Variants in YES1 observed in about 807,000 individuals in gnomAD.
The protein encoded by YES1 is YES proto-oncogene 1, Src family tyrosine kinase.
YES1 carries 39 observed loss-of-function variants against 70.4 expected under a neutral mutation model. That is an observed-to-expected ratio of 0.55 (90% CI 0.43 to 0.72). YES1 has a LOEUF of 0.72. YES1 is among the 30% of genes least tolerant of loss of function. YES1 has a pLI of 0.00. For missense variants in YES1, 495 were observed against 644.8 expected (o/e 0.77, Z 2.52); for synonymous variants, 198 against 218.6 (o/e 0.91, Z 0.83).
intron 1 of YES1, among the ~76,000 whole-genome samples, chr18:794,919 A>C (rs1906462058): frequency 6.6e-6 from 1 of 152,098 alleles, no homozygotes; most frequent in Admixed American, 6.5e-5. Flanking sequence ...GGGTTCAAGC[A>C]ATTCTCCTGC....
At position 726,192 on chromosome 18, in the gene YES1, G is replaced by A. The variant is rs1006292741; in HGVS notation, c.1424-1560C>T. 9.2e-5 allele frequency among the ~76,000 whole-genome samples: 14 copies of A among 152,244 alleles called. 1 individual carries two copies. The highest frequency in any genetic ancestry group is 2.6e-4 in the Admixed American group (4 of 15,284). On this transcript the variant is annotated intron_variant, in intron 11 of 11. Transcript: ENST00000314574. Reference sequence around the variant, plus strand: ...TGTAATCCCAGCACTTTGGGAGGCCGAGGCAGGCAGATCACGAGGTCAAGA... The same window carrying A: ...TGTAATCCCAGCACTTTGGGAGGCCAAGGCAGGCAGATCACGAGGTCAAGA...
intron 1 of YES1, among the ~76,000 whole-genome samples, chr18:808,938 A>G (rs1047795616): frequency 6.6e-6 from 1 of 152,236 alleles, no homozygotes; most frequent in African/African-American, 2.4e-5. Flanking sequence ...CATTCTTAAG[A>G]ATAGAAAAAC....
intron 9 of YES1, 160 bp downstream of exon 9, chr18:739,575 T>C (rs1330213268): frequency 2.7e-5 from 15 of 554,808 alleles, no homozygotes; most frequent in Non-Finnish European, 4.2e-5. Context: ...CACCACTGCA[T>C]TCCACCCTGG....
chr18:775,802 A>G (rs1370922616), intron 1 of YES1, among the ~76,000 whole-genome samples: 1 of 151,970 alleles, frequency 6.6e-6, no homozygotes, highest in African/African-American at 2.4e-5. Flanking sequence ...GCCTCAAATA[A>G]ATTAAAAAAA....
intron 9 of YES1, chr18:738,026 T>G (rs1338298278): frequency 1.3e-5 from 2 of 152,036 alleles, no homozygotes; most frequent in South Asian, 4.1e-4. Flanking sequence ...AGATTGGATG[T>G]GGCTCACAAA....
At chr18:751,200 G>C (rs1221095686) in intron 3 of YES1, among the ~76,000 whole-genome samples, 1 of 152,162 alleles carries the variant, frequency 6.6e-6, no homozygotes, top group South Asian at 2.1e-4. Flanking sequence ...GAAATTATTC[G>C]ATCTACTTTC....
chr18:770,007 G>A (rs1217529911), intron 1 of YES1, among the ~76,000 whole-genome samples: 2 of 150,920 alleles, frequency 1.3e-5, no homozygotes, highest in African/African-American at 4.9e-5. Context: ...GACTGGGAGT[G>A]CAGTGGCGTG....
chr18:767,407 TC>T (rs2145769943), intron 1 of YES1, among the ~76,000 whole-genome samples: 1 of 152,278 alleles, frequency 6.6e-6, no homozygotes, highest in South Asian at 2.1e-4. Context: ...TGCCTCAGCC[TC>T]CCAAAGTGAT....
At chr18:741,842 T>C (rs566745597) in intron 8 of YES1, among the ~76,000 whole-genome samples, 1 of 150,344 alleles carries the variant, frequency 6.7e-6, no homozygotes, top group African/African-American at 2.5e-5. Flanking sequence ...AACAAAAAAA[T>C]GTCATATTTG....
At chr18:757,406 G>C (rs1373437243) in intron 1 of YES1, among the ~76,000 whole-genome samples, 2 of 152,152 alleles carry the variant, frequency 1.3e-5, no homozygotes, top group South Asian at 2.1e-4. Context: ...GGGAGGCTGA[G>C]GCAGGAGAAT....
intron 1 of YES1, among the ~76,000 whole-genome samples, chr18:767,845 C>T (rs978827009): frequency 7.2e-5 from 11 of 152,052 alleles, no homozygotes; most frequent in African/African-American, 2.4e-4. Flanking sequence ...GGATTACAGA[C>T]GTGCACCACA....
intron 11 of YES1, among the ~76,000 whole-genome samples, chr18:727,155 G>A (rs1454149215): frequency 2.6e-5 from 4 of 152,036 alleles, no homozygotes; most frequent in Non-Finnish European, 4.4e-5. Flanking sequence ...TATGCATTTT[G>A]AAGCTATGTA....
chr18:785,445 G>C (rs1319900773), intron 1 of YES1, among the ~76,000 whole-genome samples: 1 of 152,046 alleles, frequency 6.6e-6, no homozygotes, highest in Non-Finnish European at 1.5e-5. Context: ...AGTAAAGCTG[G>C]GCTTGTTCTA....
chr18:800,370 C>A (rs759781831), intron 1 of YES1, among the ~76,000 whole-genome samples: 7 of 152,220 alleles, frequency 4.6e-5, no homozygotes, highest in Non-Finnish European at 1.0e-4. Context: ...AGCTTACATT[C>A]CAGTGGCAGC....
At chr18:805,793 T>C (rs1907067301) in intron 1 of YES1, among the ~76,000 whole-genome samples, 1 of 152,162 alleles carries the variant, frequency 6.6e-6, no homozygotes, top group South Asian at 2.1e-4. Flanking sequence ...CAGGAAACAA[T>C]GTGAAGTATT....
At chr18:742,331 T>C (rs185555180) in intron 8 of YES1, among the ~76,000 whole-genome samples, 7 of 151,668 alleles carry the variant, frequency 4.6e-5, no homozygotes, top group Admixed American at 2.6e-4. Context: ...TTGAAGGTAG[T>C]GGGGAGGCCA....
rs2080412433 is a variant in YES1 at position 756,732 on chromosome 18, A to G, written c.96T>C (p.Tyr32=). The change falls in exon 2 of 12, where the codon TAT becomes TAC. Residue 32 remains tyrosine, a synonymous_variant. Transcript: ENST00000314574. ...PEPVSTSVSH[Y]GAEPTTVSPC... ...GTGACACTGTAGTGGGTTCTGCTCCATAATGGCTCACACTTGTACTGACAG... is the reference window on the plus strand; with the variant it reads ...GTGACACTGTAGTGGGTTCTGCTCCGTAATGGCTCACACTTGTACTGACAG... The G allele has an allele frequency of 6.2e-7, 1 of 1,614,240 alleles. No homozygotes were observed. The highest frequency in any genetic ancestry group is 8.5e-7 in the Non-Finnish European group (1 of 1,180,040).
chr18:748,174 T>C (rs2080302480), intron 3 of YES1, among the ~76,000 whole-genome samples, 156 bp from the exon 4 acceptor site: 1 of 152,180 alleles, frequency 6.6e-6, no homozygotes. Context: ...AAGAATGATA[T>C]TAAAAAATAG....
intron 1 of YES1, among the ~76,000 whole-genome samples, chr18:784,569 C>T (rs547667209): frequency 6.6e-6 from 1 of 152,312 alleles, no homozygotes; most frequent in East Asian, 1.9e-4. Context: ...GGACTAAAAT[C>T]AAGGTGTCAG....
Sources: gnomAD v4.1 joint callset for allele counts (sites outside exome capture counted in the v4.1 genomes callset) on GRCh38, gnomAD v4.1.1 for gene constraint, MANE v1.5 for transcripts, NCBI Gene and HGNC (gene_info 2026-07-23, HGNC 2026-07-21) for gene names.